Variants in ZBTB16 observed in about 807,000 individuals in gnomAD.
ZBTB16 encodes zinc finger and BTB domain-containing protein 16.
Under a neutral mutation model 56.8 loss-of-function variants are expected in ZBTB16, and 8 were observed. The observed-to-expected ratio is 0.14, with a 90% CI of 0.08 to 0.25. The LOEUF (loss-of-function observed/expected upper bound fraction) is 0.25, where lower values mean the gene tolerates loss of function less well. Among genes scored for constraint, ZBTB16 ranks in the 10% least tolerant of loss-of-function variants. The pLI is 1.00. For missense variants in ZBTB16, 625 were observed against 903.0 expected, an observed-to-expected ratio of 0.69 and a Z score of 3.95; for synonymous variants, 363 against 368.5, an observed-to-expected ratio of 0.98 and a Z score of 0.17.
chr11:114,136,911 C>T (rs1565644882), intron 2 of ZBTB16, among the ~76,000 whole-genome samples: 1 of 152,286 alleles, frequency 6.6e-6, no homozygotes, highest in Admixed American at 6.5e-5. Flanking sequence ...GTCCTATACT[C>T]ACACTTCCTA....
intron 4 of ZBTB16, 148 bp downstream of exon 4, chr11:114,187,186 G>T: frequency 1.3e-6 from 1 of 759,550 alleles, no homozygotes. Context: ...CTTCTGCCAC[G>T]TTCAGCTACT....
intron 6 of ZBTB16, among the ~76,000 whole-genome samples, chr11:114,247,925 T>C (rs1944847194): frequency 6.6e-6 from 1 of 152,082 alleles, no homozygotes; most frequent in Non-Finnish European, 1.5e-5. Flanking sequence ...TAGACGGAGT[T>C]TCGCTCTTAT....
intron 2 of ZBTB16, among the ~76,000 whole-genome samples, chr11:114,118,534 T>C (rs1418775248): frequency 6.6e-6 from 1 of 152,166 alleles, no homozygotes; most frequent in Non-Finnish European, 1.5e-5. Context: ...TATTTATTTG[T>C]TGGGCAGTCT....
At chr11:114,151,009 G>A (rs1466813749) in intron 2 of ZBTB16, among the ~76,000 whole-genome samples, 2 of 152,136 alleles carry the variant, frequency 1.3e-5, no homozygotes, top group Non-Finnish European at 1.5e-5. Context: ...TCATGGGGGC[G>A]GCAGACTTTT....
intron 3 of ZBTB16, among the ~76,000 whole-genome samples, chr11:114,167,232 G>GTTTTTTTTTTTTTTTTTTTTT (rs58946694): frequency 2.3e-4 from 20 of 88,716 alleles, no homozygotes; most frequent in Non-Finnish European, 2.8e-4. Flanking sequence ...TTTTTTTTTG[G>GTTTTTTTTTTTTTTTTTTTTT]TTTTTTTTTT....
chr11:114,109,021 G>C (rs945434473), intron 2 of ZBTB16, among the ~76,000 whole-genome samples: 1 of 152,214 alleles, frequency 6.6e-6, no homozygotes, highest in East Asian at 1.9e-4. Flanking sequence ...TTGGAGTGGG[G>C]ACGGGGCTGA....
chr11:114,121,209 C>T (rs541432989), intron 2 of ZBTB16, among the ~76,000 whole-genome samples: 46 of 152,240 alleles, frequency 3.0e-4, no homozygotes, highest in South Asian at 1.5e-3. Context: ...GTAGTGTTTG[C>T]GATTTCTGTG....
Position 114,254,600 on chromosome 11 carries a change from G to A in ZBTB16, c.*4045G>A, listed in dbSNP as rs140116343. Among the ~76,000 whole-genome samples the A allele has an allele frequency of 5.1e-4, 77 of 152,242 alleles. No homozygotes were observed. Among genetic ancestry groups the A allele is most frequent in the African/African-American group, 1.6e-3 (66 of 41,532 alleles). ...TTCTGGGCCTGCTTCCCGGCAAGCC[G>A]AGCTAGGGTGAAAACTGGGGGCGCA... On this transcript the variant is annotated 3_prime_UTR_variant, in exon 7 of 7. Coordinates refer to ENST00000335953, the MANE Select transcript of ZBTB16 (RefSeq NM_006006.6).
At position 114,060,540 on chromosome 11, in the gene ZBTB16, C is replaced by G. The variant is rs1404162324; in HGVS notation, c.-91+658C>G. On this transcript the variant is annotated intron_variant, in intron 1 of 6. Coordinates refer to ENST00000335953, the MANE Select transcript of ZBTB16 (RefSeq NM_006006.6). The surrounding 1 kb of genome is among the most constrained non-coding windows in gnomAD (Gnocchi z 6.0). ...GGGCCCTCCTCGGCTCTCGGCGGGA[C>G]CGGCGGTGACACCGGAGCTCGCCGT... 6.6e-6 allele frequency: 1 copy of G among 151,952 alleles called. No individual in the cohort carries two copies. The highest frequency in any genetic ancestry group is 1.5e-5 in the Non-Finnish European group (1 of 67,958). The allele number at this position is 151,952 out of a possible 1,614,324, so 9.4% of individuals were successfully genotyped here. A position where few individuals can be genotyped will look rare whatever the true frequency, so the allele number is the denominator to read the frequency against.
chr11:114,247,183 C>T lies in ZBTB16; in HGVS notation c.1625-15C>T. 6.2e-7 allele frequency: 1 copy of T among 1,614,220 alleles called. No homozygotes were observed. Among genetic ancestry groups the T allele is most frequent in the Admixed American group, 1.7e-5 (1 of 60,028 alleles). ...GGGAGAGGCAAAGGCCTGATCCAGC[C>T]CCTTGTCTCCACAGGCGACCACCCC... On this transcript the variant is annotated splice_polypyrimidine_tract_variant and intron_variant, in intron 5 of 6. Coordinates refer to ENST00000335953, the MANE Select transcript of ZBTB16 (RefSeq NM_006006.6).
intron 2 of ZBTB16, among the ~76,000 whole-genome samples, chr11:114,077,163 A>C (rs1939600149): frequency 6.6e-6 from 1 of 152,002 alleles, no homozygotes; most frequent in Non-Finnish European, 1.5e-5. Context: ...AGCCTATTCC[A>C]TTCAGTCTTT....
chr11:114,157,721 C>T (rs1016136745), intron 3 of ZBTB16, among the ~76,000 whole-genome samples: 7 of 152,160 alleles, frequency 4.6e-5, no homozygotes, highest in African/African-American at 1.7e-4. Context: ...TCTCCCCCGG[C>T]CCTCATGGCC....
At position 114,253,921 on chromosome 11, in the gene ZBTB16, G is replaced by A. The variant is rs150510748; in HGVS notation, c.*3366G>A. ...CTTCTTCATGCCACCTGACTCCTTC[G>A]GCCCCCTGGCTGCCTTTAGCTGTGG... On this transcript the variant is annotated 3_prime_UTR_variant, in exon 7 of 7. Transcript: ENST00000335953. Among the ~76,000 whole-genome samples, 83 of 152,146 alleles carry A rather than the reference G, an allele frequency of 5.5e-4. No individual in the cohort carries two copies. The South Asian group carries it at 0.016, about 29-fold the overall frequency.
chr11:114,242,032 G>A, intron 4 of ZBTB16, 135 bp from the exon 5 acceptor site: 1 of 1,181,988 alleles, frequency 8.5e-7, no homozygotes, highest in Non-Finnish European at 1.2e-6. Flanking sequence ...GCATAGCCTG[G>A]GCCCACTCTG....
At position 114,247,624 on chromosome 11, in the gene ZBTB16, C is replaced by T. The variant is rs1944842358; in HGVS notation, c.1792+259C>T. Among the ~76,000 whole-genome samples, 4 of 152,190 alleles carry T rather than the reference C, an allele frequency of 2.6e-5. No homozygotes were observed. The South Asian group carries it at 8.3e-4, about 32-fold the overall frequency. ...TTCCAGTGAGCCCCCATCAGCCCTC[C>T]AGGCAGCTATACCAGTAGTTCAGAG... On this transcript the variant is annotated intron_variant, in intron 6 of 6. Transcript: ENST00000335953.
chr11:114,110,130 G>A (rs1475283038), intron 2 of ZBTB16, among the ~76,000 whole-genome samples: 1 of 152,114 alleles, frequency 6.6e-6, no homozygotes, highest in Non-Finnish European at 1.5e-5. Context: ...GCGGTATTTA[G>A]GGCTCTTGGT....
At chr11:114,097,688 G>T (rs574091848) in intron 2 of ZBTB16, among the ~76,000 whole-genome samples, 76 of 152,178 alleles carry the variant, frequency 5.0e-4, no homozygotes, top group African/African-American at 1.7e-3. Flanking sequence ...TTTATTAAGT[G>T]CTATCTCTCA....
At position 114,219,162 on chromosome 11, in the gene ZBTB16, A is replaced by G. The variant is rs1267706257; in HGVS notation, c.1454-23005A>G. Among the ~76,000 whole-genome samples the G allele has an allele frequency of 2.0e-5, 3 of 152,326 alleles. 1 individual carries two copies. The highest frequency in any genetic ancestry group is 7.2e-5 in the African/African-American group (3 of 41,570). ...TCATTAGAATGGGGGAGACAACAGT[A>G]GGGAGGCATCATGTGGGAACCAGGG... On this transcript the variant is annotated intron_variant, in intron 4 of 6. Transcript: ENST00000335953.
At position 114,138,676 on chromosome 11, in the gene ZBTB16, A is replaced by AT. The variant is rs1222628261; in HGVS notation, c.1269-17652dup. On this transcript the variant is annotated intron_variant, in intron 2 of 6. Coordinates refer to ENST00000335953, the MANE Select transcript of ZBTB16 (RefSeq NM_006006.6). Reference sequence around the variant, plus strand: ...CTCTTTTCTCCCTTCCTCTTTTTTAATTTTTTTTTAAATTATTTTTTATTT... The same window carrying AT: ...CTCTTTTCTCCCTTCCTCTTTTTTAATTTTTTTTTTAAATTATTTTTTATTT... Among the ~76,000 whole-genome samples the AT allele has an allele frequency of 3.1e-3, 450 of 146,794 alleles. 5 individuals are homozygous for AT. The highest frequency in any genetic ancestry group is 0.01 in the African/African-American group (412 of 40,380).
Sources: allele counts gnomAD v4.1 joint callset (sites outside exome capture counted in the v4.1 genomes callset), GRCh38; gene constraint gnomAD v4.1.1; non-coding constraint Gnocchi (gnomAD v3.1); transcripts MANE v1.5; gene names NCBI Gene and HGNC (gene_info 2026-07-23, HGNC 2026-07-21).